Variants in DGKB observed in about 807,000 individuals in gnomAD.
The protein encoded by DGKB is diacylglycerol kinase beta.
A neutral mutation model predicts 114.3 loss-of-function variants in DGKB; 67 were observed. The observed-to-expected ratio is 0.59, with a 90% CI of 0.48 to 0.72. DGKB has a LOEUF of 0.72. Among genes scored for constraint, DGKB ranks in the 30% least tolerant of loss-of-function variants. The pLI, the probability that DGKB is intolerant of heterozygous loss-of-function variation, is 0.00. For synonymous variants in DGKB, 398 were observed against 323.1 expected (o/e 1.23, Z -2.49); for missense variants, 907 against 975.2 (o/e 0.93, Z 0.93).
At position 14,947,331 on chromosome 7, in the gene DGKB, T is replaced by G. The variant is rs192032105; in HGVS notation, c.-188+27365A>C. Reference sequence around the variant, plus strand: ...TTATATAGAAATGGAAAAACAAAACTGTTCTGTTAAGGATCTTTTAATTTA... The same window carrying G: ...TTATATAGAAATGGAAAAACAAAACGGTTCTGTTAAGGATCTTTTAATTTA... On this transcript the variant is annotated intron_variant, in intron 1 of 4. Coordinates refer to the DGKB transcript ENST00000437998. 1.1e-3 allele frequency among the ~76,000 whole-genome samples: 167 copies of G among 151,870 alleles called. 2 individuals carry two copies. The highest frequency in any genetic ancestry group is 1.3e-3 in the Non-Finnish European group (91 of 67,746).
intron 23 of DGKB, among the ~76,000 whole-genome samples, chr7:14,244,337 TA>T (rs1794114913): frequency 6.6e-6 from 1 of 152,012 alleles, no homozygotes; most frequent in Non-Finnish European, 1.5e-5. Context: ...ATTCATCTGT[TA>T]AACCTGATCC....
At chr7:14,608,404 A>G (rs939948380) in intron 16 of DGKB, among the ~76,000 whole-genome samples, 1 of 152,002 alleles carries the variant, frequency 6.6e-6, no homozygotes, top group Non-Finnish European at 1.5e-5. Flanking sequence ...ATGAAAAAAA[A>G]TCTTCAACAG....
At chr7:14,679,575 A>T (rs1427172511) in intron 12 of DGKB, among the ~76,000 whole-genome samples, 1 of 152,040 alleles carries the variant, frequency 6.6e-6, no homozygotes, top group Non-Finnish European at 1.5e-5. Flanking sequence ...TTCTCTCTAC[A>T]ATATATTCTT....
chr7:14,661,220 A>C (rs1816996556), intron 13 of DGKB, among the ~76,000 whole-genome samples: 1 of 149,950 alleles, frequency 6.7e-6, no homozygotes, highest in African/African-American at 2.4e-5. Context: ...TAATTAAACT[A>C]AAGAGCTTCT....
chr7:14,459,496 G>A, intron 21 of DGKB, among the ~76,000 whole-genome samples: 1 of 152,020 alleles, frequency 6.6e-6, no homozygotes, highest in East Asian at 1.9e-4. Flanking sequence ...TGGAAGAAAG[G>A]ATATCAGAGA....
chr7:14,720,812 C>G (rs1051983905), intron 5 of DGKB, among the ~76,000 whole-genome samples: 3 of 146,912 alleles, frequency 2.0e-5, no homozygotes, highest in Non-Finnish European at 4.5e-5. Context: ...TATTTATGAA[C>G]CAAAGAAGGC....
At chr7:14,393,081 T>G (rs1292636884) in intron 21 of DGKB, among the ~76,000 whole-genome samples, 1 of 144,898 alleles carries the variant, frequency 6.9e-6, no homozygotes, top group African/African-American at 2.5e-5. Context: ...CTCTGCCCCC[T>G]GGGGTTCACG....
rs1471123420 is a variant in DGKB at position 14,244,395 on chromosome 7, G to T, written c.2123-66244C>A. On this transcript the variant is annotated intron_variant, in intron 23 of 25. Transcript: ENST00000402815. ...GTGCTGGCCGGGCGCGGTGGCTCAC[G>T]CCTGTAATCCCAGCACTTTGGGAGG... Among the ~76,000 whole-genome samples, 2 of 152,016 alleles carry T rather than the reference G, an allele frequency of 1.3e-5. 1 individual carries two copies. The highest frequency in any genetic ancestry group is 4.1e-4 in the South Asian group (2 of 4,826).
chr7:14,163,850 C>T (rs994053519), intron 25 of DGKB, among the ~76,000 whole-genome samples: 1 of 152,014 alleles, frequency 6.6e-6, no homozygotes, highest in Non-Finnish European at 1.5e-5. Context: ...CAAAGATTAG[C>T]TGGGTGCGGC....
intron 21 of DGKB, among the ~76,000 whole-genome samples, chr7:14,429,243 T>C (rs886084158): frequency 1.3e-5 from 2 of 152,118 alleles, no homozygotes; most frequent in African/African-American, 4.8e-5. Context: ...AGGAGATAAT[T>C]AGGTCTTGAG....
chr7:14,361,812 A>T (rs1008490397), intron 21 of DGKB, among the ~76,000 whole-genome samples: 8 of 152,012 alleles, frequency 5.3e-5, no homozygotes, highest in Non-Finnish European at 1.0e-4. Flanking sequence ...ACAAGATAAA[A>T]CTTGTTTCAA....
chr7:14,644,594 G>A (rs554937472), intron 13 of DGKB, among the ~76,000 whole-genome samples: 1 of 152,168 alleles, frequency 6.6e-6, no homozygotes, highest in Non-Finnish European at 1.5e-5. Context: ...AACAATTACA[G>A]AAGAAATAAT....
At chr7:14,818,044 T>A (rs1844409649) in intron 2 of DGKB, among the ~76,000 whole-genome samples, 1 of 152,056 alleles carries the variant, frequency 6.6e-6, no homozygotes, top group Non-Finnish European at 1.5e-5. Context: ...TGGGAAAAAC[T>A]CCAGATTTTC....
intron 1 of DGKB, among the ~76,000 whole-genome samples, chr7:14,890,889 C>G (rs1255721153): frequency 1.3e-5 from 2 of 150,700 alleles, no homozygotes; most frequent in African/African-American, 2.4e-5. Flanking sequence ...AAAAAAATCC[C>G]TAAATCTAAC....
In DGKB at chr7:14,868,437, C is replaced by T. The variant is rs899125366; in HGVS notation, c.-187-26987G>A. Among the ~76,000 whole-genome samples the T allele has an allele frequency of 7.3e-5, 11 of 151,572 alleles. 1 individual carries two copies. The South Asian group carries it at 2.1e-3, about 29-fold the overall frequency. On this transcript the variant is annotated intron_variant, in intron 1 of 25. Transcript: ENST00000402815. Reference sequence around the variant, plus strand: ...GCAATGTCCATCTCCTGGGTTCAAGCGATTCTCCTGCCCCAGCCTCCTGAG... The same window carrying T: ...GCAATGTCCATCTCCTGGGTTCAAGTGATTCTCCTGCCCCAGCCTCCTGAG...
chr7:14,643,193 G>A (rs924934610), intron 13 of DGKB, among the ~76,000 whole-genome samples: 12 of 152,188 alleles, frequency 7.9e-5, no homozygotes, highest in Admixed American at 7.9e-4. Flanking sequence ...CATAGAGGCA[G>A]GAGAGACTCT....
At chr7:14,312,439 C>G (rs1334694300) in intron 23 of DGKB, among the ~76,000 whole-genome samples, 3 of 152,224 alleles carry the variant, frequency 2.0e-5, no homozygotes, top group African/African-American at 7.2e-5. Context: ...CCTAACTATA[C>G]TTGTTATTAA....
At chr7:14,302,007 T>C (rs777505235) in intron 23 of DGKB, among the ~76,000 whole-genome samples, 1 of 152,118 alleles carries the variant, frequency 6.6e-6, no homozygotes, top group Admixed American at 6.6e-5. Flanking sequence ...CAGCTTTGCT[T>C]TGATTCTCTC....
At chr7:14,864,869 T>A (rs1283195220) in intron 1 of DGKB, among the ~76,000 whole-genome samples, 2 of 152,076 alleles carry the variant, frequency 1.3e-5, no homozygotes, top group Non-Finnish European at 2.9e-5. Flanking sequence ...GTAACTATTT[T>A]TAAAATACAA....
Sources: allele counts gnomAD v4.1 joint callset (sites outside exome capture counted in the v4.1 genomes callset), GRCh38; gene constraint gnomAD v4.1.1; transcripts MANE v1.5; gene names NCBI Gene and HGNC (gene_info 2026-07-23, HGNC 2026-07-21).